Variants in CREB5 observed in about 807,000 individuals in gnomAD.
The protein encoded by CREB5 is cyclic AMP-responsive element-binding protein 5.
A neutral mutation model predicts 57.1 loss-of-function variants in CREB5; 19 were observed. The ratio of observed to expected loss-of-function variants is 0.33; its 90% CI spans 0.23 to 0.49. The LOEUF (loss-of-function observed/expected upper bound fraction) is 0.49, where lower values mean the gene tolerates loss of function less well. Among genes scored for constraint, CREB5 ranks in the 20% least tolerant of loss-of-function variants. CREB5 has a pLI of 0.99. For missense variants in CREB5, 579 were observed against 671.6 expected, an observed-to-expected ratio of 0.86 and a Z score of 1.52; for synonymous variants, 238 against 238.3, an observed-to-expected ratio of 1.00 and a Z score of 0.01.
At chr7:28,768,474 A>T (rs371526724) in intron 7 of CREB5, among the ~76,000 whole-genome samples, 1 of 152,228 alleles carries the variant, frequency 6.6e-6, no homozygotes, top group Non-Finnish European at 1.5e-5. Context: ...AATTATCCTC[A>T]TATATTTGAA....
At chr7:28,672,241 C>G (rs762461476) in intron 5 of CREB5, among the ~76,000 whole-genome samples, 4 of 149,874 alleles carry the variant, frequency 2.7e-5, no homozygotes, top group South Asian at 2.1e-4. Flanking sequence ...TTTAAAAGAC[C>G]TGGGATCTAG....
At chr7:28,506,498 G>T (rs1792483781) in intron 3 of CREB5, among the ~76,000 whole-genome samples, 1 of 152,204 alleles carries the variant, frequency 6.6e-6, no homozygotes, top group Admixed American at 6.5e-5. Context: ...CATGTACACA[G>T]TGGAAATAGC....
At chr7:28,794,207 T>C (rs150234275) in intron 7 of CREB5, among the ~76,000 whole-genome samples, 1 of 152,370 alleles carries the variant, frequency 6.6e-6, no homozygotes, top group African/African-American at 2.4e-5. Context: ...AGAACTTTCT[T>C]CTTCGATAAA....
At chr7:28,642,695 A>G (rs1198653000) in intron 5 of CREB5, among the ~76,000 whole-genome samples, 1 of 152,122 alleles carries the variant, frequency 6.6e-6, no homozygotes, top group Non-Finnish European at 1.5e-5. Flanking sequence ...TCTGCTGAAA[A>G]TGTTCCAATT....
At chr7:28,678,528 T>C (rs1005407164) in intron 5 of CREB5, among the ~76,000 whole-genome samples, 1 of 152,206 alleles carries the variant, frequency 6.6e-6, no homozygotes. Flanking sequence ...TTATTAAAGT[T>C]TAGAGATGAA....
chr7:28,651,517 G>A (rs1394344575), intron 5 of CREB5, among the ~76,000 whole-genome samples: 1 of 152,126 alleles, frequency 6.6e-6, no homozygotes, highest in African/African-American at 2.4e-5. Flanking sequence ...CAAGGTGGCA[G>A]GATCGCTTGA....
rs138023064 is a variant in CREB5, at chr7:28,447,596, A to G, written c.3+34679A>G. On this transcript the variant is annotated intron_variant, in intron 1 of 10. Transcript: ENST00000357727. ...CATGGAGCTTGCTGCCTGAACATGGACCCTACACATGCACCTGCTAGGGGA... is the reference window on the plus strand; with the variant it reads ...CATGGAGCTTGCTGCCTGAACATGGGCCCTACACATGCACCTGCTAGGGGA... Among the ~76,000 whole-genome samples the G allele has an allele frequency of 5.3e-5, 8 of 152,208 alleles. No individual in the cohort carries two copies. In the East Asian group the frequency reaches 1.5e-3, roughly 29 times the overall value.
chr7:28,584,123 C>T (rs779361692), intron 5 of CREB5, among the ~76,000 whole-genome samples: 29 of 152,140 alleles, frequency 1.9e-4, no homozygotes, highest in South Asian at 4.1e-4. Flanking sequence ...CCTCACGGAA[C>T]GCAATGATGA....
intron 5 of CREB5, among the ~76,000 whole-genome samples, chr7:28,680,006 A>C (rs1196322321): frequency 6.8e-6 from 1 of 146,956 alleles, no homozygotes; most frequent in Admixed American, 6.7e-5. Context: ...CATGCTCATG[A>C]GTACACAGAG....
chr7:28,586,408 A>G (rs1360290663), intron 5 of CREB5, among the ~76,000 whole-genome samples: 1 of 152,308 alleles, frequency 6.6e-6, no homozygotes, highest in Non-Finnish European at 1.5e-5. Context: ...TAATAATTGT[A>G]AAGAAACTTC....
chr7:28,402,656 C>T (rs943611857), intron 1 of CREB5, among the ~76,000 whole-genome samples: 3 of 152,146 alleles, frequency 2.0e-5, no homozygotes, highest in African/African-American at 7.2e-5. Context: ...TTCCTTACAC[C>T]TCATACAAAA....
At chr7:28,512,111 G>C (rs1317298831) in intron 4 of CREB5, among the ~76,000 whole-genome samples, 1 of 152,208 alleles carries the variant, frequency 6.6e-6, no homozygotes. Flanking sequence ...GCCTGTGGGA[G>C]GAGTGGGTTT....
chr7:28,555,234 G>A (rs776627391), intron 4 of CREB5, among the ~76,000 whole-genome samples: 2 of 152,082 alleles, frequency 1.3e-5, no homozygotes, highest in Non-Finnish European at 2.9e-5. Context: ...GCATTCATGA[G>A]GGCTGGCAAC....
intron 7 of CREB5, among the ~76,000 whole-genome samples, chr7:28,797,514 T>C (rs1583768009): frequency 6.6e-6 from 1 of 152,214 alleles, no homozygotes; most frequent in African/African-American, 2.4e-5. Context: ...GGCGGACTTA[T>C]TTGAAGTTTT....
intron 1 of CREB5, among the ~76,000 whole-genome samples, chr7:28,324,026 C>T (rs1354483788): frequency 2.0e-5 from 3 of 152,090 alleles, no homozygotes; most frequent in Non-Finnish European, 2.9e-5. Flanking sequence ...TGGTGGAGCT[C>T]AGGAGGTAAT....
At chr7:28,626,684 G>A (rs75810764) in intron 5 of CREB5, among the ~76,000 whole-genome samples, 8,096 of 152,198 alleles carry the variant, frequency 0.053, 351 homozygotes, top group South Asian at 0.18. Flanking sequence ...CAAATAGATC[G>A]TCCTCTTTAG....
At chr7:28,622,255 TCTCTCACACACACA>T (rs2128686459) in intron 5 of CREB5, among the ~76,000 whole-genome samples, 1 of 140,860 alleles carries the variant, frequency 7.1e-6, no homozygotes, top group African/African-American at 2.8e-5. Flanking sequence ...TCTCTCTCTC[TCTCTCACACACACA>T]CACACACACA....
rs1037547465 is a variant in CREB5 at position 28,354,237 on chromosome 7, G to T, written c.-25+54796G>T. 2.5e-4 allele frequency among the ~76,000 whole-genome samples: 38 copies of T among 152,306 alleles called. No homozygotes were observed. The South Asian group carries it at 2.7e-3, about 11-fold the overall frequency. ...ATTGATCCTGGGTGCATCTGTGAGG[G>T]TGTTGCCAAAGGAGATTAACATTGA... is the stretch of plus-strand genomic sequence containing the variant. On this transcript the variant is annotated intron_variant, in intron 1 of 9. Transcript: ENST00000396299.
chr7:28,789,781 A>G (rs1441523492), intron 7 of CREB5, among the ~76,000 whole-genome samples: 2 of 152,366 alleles, frequency 1.3e-5, no homozygotes, highest in East Asian at 3.9e-4. Flanking sequence ...TCATGAATAC[A>G]CATTCCTAGA....
Sources: allele counts gnomAD v4.1 joint callset (sites outside exome capture counted in the v4.1 genomes callset), GRCh38; gene constraint gnomAD v4.1.1; transcripts MANE v1.5; gene names NCBI Gene and HGNC (gene_info 2026-07-23, HGNC 2026-07-21).